The following USP7 variants were observed in gnomAD, a reference collection of about 807,000 sequenced individuals.
The protein encoded by USP7 is ubiquitin C-terminal hydrolase 7.
In USP7, 9 loss-of-function variants were observed where a neutral mutation model predicts 162.9. That is an observed-to-expected ratio of 0.06 (90% CI 0.03 to 0.10). The LOEUF (loss-of-function observed/expected upper bound fraction) is 0.10, where lower values mean the gene tolerates loss of function less well. Among genes scored for constraint, USP7 ranks in the 10% least tolerant of loss-of-function variants. USP7 has a pLI of 1.00. For synonymous variants in USP7, 562 were observed against 475.9 expected, an observed-to-expected ratio of 1.18 and a Z score of -2.35; for missense variants, 715 against 1,373.7, an observed-to-expected ratio of 0.52 and a Z score of 7.58.
chr16:8,915,425 T>C lies in USP7; in HGVS notation c.987+20A>G, dbSNP rs1310851294. The C allele has an allele frequency of 1.2e-6, 2 of 1,613,808 alleles. No homozygotes were observed. The highest frequency in any genetic ancestry group is 1.7e-4 in the Middle Eastern group (1 of 5,936). ...TCTAAAACCTTTAAAAATCATCTTT[T>C]AGAACTGGTAGCCACATACCACCAT... On this transcript the variant is annotated intron_variant, in intron 9 of 30. Transcript: ENST00000344836.
intron 2 of USP7, among the ~76,000 whole-genome samples, chr16:8,927,003 G>C (rs945532100): frequency 5.3e-5 from 8 of 152,170 alleles, no homozygotes; most frequent in Non-Finnish European, 1.2e-4. Flanking sequence ...CAATAGACCA[G>C]CCTGGGCTTC....
intron 27 of USP7, 59 bp downstream of exon 27, chr16:8,895,583 T>C (rs995011763): frequency 3.0e-6 from 4 of 1,345,804 alleles, no homozygotes; most frequent in South Asian, 1.2e-5. Flanking sequence ...GATATTTAAA[T>C]ATGCAGCAGA....
intron 26 of USP7, 111 bp downstream of exon 26, chr16:8,896,888 A>C: frequency 1.2e-6 from 1 of 817,722 alleles, no homozygotes; most frequent in Non-Finnish European, 2.1e-6. Flanking sequence ...TGAGTCTGGG[A>C]ATGACGCGCA....
chr16:8,899,330 T>C, intron 22 of USP7, 142 bp from the exon 23 acceptor site: 2 of 831,514 alleles, frequency 2.4e-6, no homozygotes, highest in Non-Finnish European at 3.8e-6. Flanking sequence ...TAAACTATAT[T>C]ATTCCTTAAT....
In USP7 at chr16:8,920,385, T is replaced by C. The variant is rs1440459789; in HGVS notation, c.585A>G (p.Val195=). The C allele has an allele frequency of 6.2e-7, 1 of 1,613,390 alleles. No individual in the cohort carries two copies. The highest frequency in any genetic ancestry group is 1.7e-5 in the Admixed American group (1 of 59,814). ...CAACTCCATGGGGAGCATCCGCCTG[T>C]ACAAAGACTTCAAAGGTAACTTTGT... ...DDDKVTFEVF[V]QADAPHGVAW... is the part of the protein sequence containing the mutation. The change falls in exon 5 of 31, where the codon GTA becomes GTG. Residue 195 remains valine (V), a synonymous_variant. Coordinates refer to ENST00000344836, the MANE Select transcript of USP7 (RefSeq NM_003470.3).
rs555636099 is a variant in USP7 at position 8,940,111 on chromosome 16, C to G, written c.80-9714G>C. ...AGACTCTGTCTCCAAAAAAAAAAGG[C>G]TGTTTCCATCCAGGTTTTTCCTGTA... On this transcript the variant is annotated intron_variant, in intron 1 of 30. Transcript: ENST00000344836. Among the ~76,000 whole-genome samples, 17 of 152,058 alleles carry G rather than the reference C, an allele frequency of 1.1e-4. No homozygotes were observed. In the South Asian group the frequency reaches 3.1e-3, roughly 28 times the overall value.
chr16:8,945,406 TG>T (rs966507812), intron 1 of USP7, among the ~76,000 whole-genome samples: 1 of 152,154 alleles, frequency 6.6e-6, no homozygotes, highest in African/African-American at 2.4e-5. Flanking sequence ...AAAAAGTTCC[TG>T]GGAAGACTAG....
chr16:8,926,252 C>T (rs931698999), intron 2 of USP7, among the ~76,000 whole-genome samples: 2 of 151,228 alleles, frequency 1.3e-5, no homozygotes, highest in African/African-American at 2.4e-5. Flanking sequence ...CAGAGGCGGG[C>T]GGATAACCTG....
chr16:8,963,070 C>T (rs1352689236), intron 1 of USP7, 137 bp downstream of exon 1: 3 of 747,784 alleles, frequency 4.0e-6, no homozygotes, highest in Admixed American at 5.4e-5. Context: ...AGGCCGGGGC[C>T]GGGAGGCCAG....
In USP7 at chr16:8,904,355, G is replaced by T; in HGVS notation, c.1704+80C>A. On this transcript the variant is annotated intron_variant, in intron 15 of 30. Coordinates refer to ENST00000344836, the MANE Select transcript of USP7 (RefSeq NM_003470.3). ...GGTGACCTGGGAGTCCCAGAGGGGT[G>T]GGGGCTGACCTGCACTTGTGTATAG... 19 of 1,568,884 alleles carry T rather than the reference G, an allele frequency of 1.2e-5. No individual in the cohort carries two copies. The South Asian group carries it at 1.9e-4, about 16-fold the overall frequency.
At chr16:8,922,255 G>A (rs778183883) in intron 3 of USP7, among the ~76,000 whole-genome samples, 3 of 152,204 alleles carry the variant, frequency 2.0e-5, no homozygotes, top group Admixed American at 6.5e-5. Context: ...TTGGCAGGCC[G>A]AGACAGGCAG....
intron 21 of USP7, 143 bp downstream of exon 21, chr16:8,900,385 CAG>C: frequency 2.0e-6 from 1 of 504,354 alleles, no homozygotes; most frequent in Non-Finnish European, 3.4e-6. Context: ...TTTCAAAACC[CAG>C]AGAAAGCCTC....
intron 11 of USP7, among the ~76,000 whole-genome samples, chr16:8,909,605 A>G (rs772218765): frequency 1.1e-4 from 17 of 152,218 alleles, no homozygotes; most frequent in Non-Finnish European, 2.1e-4. Context: ...AGACCAGAAT[A>G]TTTCTTCATC....
At chr16:8,912,168 G>C (rs574880037) in intron 10 of USP7, among the ~76,000 whole-genome samples, 71 of 152,316 alleles carry the variant, frequency 4.7e-4, no homozygotes, top group African/African-American at 1.7e-3. Context: ...ATGTGAACCA[G>C]TGCAGTGGCT....
chr16:8,895,007 A>G, intron 28 of USP7, 24 bp downstream of exon 28: 1 of 1,614,188 alleles, frequency 6.2e-7, no homozygotes, highest in Non-Finnish European at 8.5e-7. Flanking sequence ...GACGTGAGCC[A>G]CTCGGCCAAC....
In USP7 at chr16:8,901,153, G is replaced by A. The variant is rs1223989524; in HGVS notation, c.2129C>T (p.Ser710Phe). The A allele has an allele frequency of 6.2e-7, 1 of 1,613,790 alleles. No individual in the cohort carries two copies. Among genetic ancestry groups the A allele is most frequent in the Non-Finnish European group, 8.5e-7 (1 of 1,179,802 alleles). The stretch of plus-strand genomic sequence containing the variant: ...CACGAAGGACTTACGTATTTTACAG[G>A]ATATTGGTGTGTAGATATGCCCACA... ...NYCGHIYTPI[S>F]CKIRDLLPVM... The change falls in exon 19 of 31, where the codon TCC (serine) becomes TTC (phenylalanine). Residue 710 changes from serine (S) to phenylalanine (F), a missense_variant. Physicochemically the swap from Ser to Phe is radical, Grantham distance 155. Coordinates refer to ENST00000344836, the MANE Select transcript of USP7 (RefSeq NM_003470.3).
intron 1 of USP7, among the ~76,000 whole-genome samples, chr16:8,943,186 A>G (rs949945516): frequency 2.6e-5 from 4 of 152,204 alleles, no homozygotes; most frequent in African/African-American, 7.2e-5. Flanking sequence ...TAGCTTCATT[A>G]TGTAAAAATC....
intron 25 of USP7, among the ~76,000 whole-genome samples, chr16:8,898,080 T>A (rs992472840): frequency 2.6e-5 from 4 of 152,028 alleles, no homozygotes; most frequent in African/African-American, 9.7e-5. Context: ...AGGATCCTCC[T>A]CCTCAGCCAA....
chr16:8,958,834 T>G (rs1021643572), intron 1 of USP7, among the ~76,000 whole-genome samples: 2 of 152,204 alleles, frequency 1.3e-5, no homozygotes, highest in African/African-American at 4.8e-5. Flanking sequence ...ATATTACACT[T>G]TTAATATTAA....
Sources: allele counts gnomAD v4.1 joint callset (sites outside exome capture counted in the v4.1 genomes callset), GRCh38; gene constraint gnomAD v4.1.1; transcripts MANE v1.5; gene names NCBI Gene and HGNC (gene_info 2026-07-23, HGNC 2026-07-21).